The following LRRIQ4 variants were observed in gnomAD, a reference collection of about 807,000 sequenced individuals.
LRRIQ4 encodes leucine-rich repeat and IQ domain-containing protein 4.
LRRIQ4 carries 21 observed loss-of-function variants against 40.1 expected under a neutral mutation model. That is an observed-to-expected ratio of 0.52 (90% confidence interval 0.37 to 0.75). The LOEUF (loss-of-function observed/expected upper bound fraction) is 0.75. Ranked by LOEUF, LRRIQ4 falls within the 30% of genes least tolerant of loss-of-function variation. The pLI is 0.00. For missense variants in LRRIQ4, 655 were observed against 660.0 expected, an observed-to-expected ratio of 0.99 and a Z score of 0.08; for synonymous variants, 277 against 277.1, an observed-to-expected ratio of 1.00 and a Z score of 0.00.
rs1237113627 is a variant in LRRIQ4, at chr3:169,822,490, T to A, written c.569T>A (p.Leu190Gln). 3.1e-6 allele frequency: 5 copies of A among 1,614,022 alleles called. No homozygotes were observed. Among genetic ancestry groups the A allele is most frequent in the Non-Finnish European group, 4.2e-6 (5 of 1,179,894 alleles). ...FPQELCVLYT[L>Q]EIIDLDENKI... Reference sequence around the variant, plus strand: ...CAGGAGCTCTGTGTTCTCTACACCCTGGAAATCATTGACCTGGACGAGAAC... The same window carrying A: ...CAGGAGCTCTGTGTTCTCTACACCCAGGAAATCATTGACCTGGACGAGAAC... The change falls in exon 2 of 6, where the codon CTG becomes CAG. Residue 190 changes from leucine to glutamine, a missense_variant. Leu to Gln is a moderately radical substitution (Grantham distance 113). Coordinates refer to ENST00000340806, the MANE Select transcript of LRRIQ4 (RefSeq NM_001080460.3).
intron 2 of LRRIQ4, among the ~76,000 whole-genome samples, chr3:169,826,088 C>A (rs1317946576): frequency 1.3e-5 from 2 of 152,020 alleles, no homozygotes; most frequent in East Asian, 1.9e-4. Context: ...GTAGAGTATA[C>A]TTCTATTAAA....
chr3:169,828,480 G>A (rs895027411), intron 2 of LRRIQ4, among the ~76,000 whole-genome samples: 1 of 152,132 alleles, frequency 6.6e-6, no homozygotes, highest in South Asian at 2.1e-4. Flanking sequence ...GTGATCCACT[G>A]GCCTTGGCCT....
rs575977699 is a variant in LRRIQ4 at position 169,824,501 on chromosome 3, TTTTA to T, written c.1020+1570_1020+1573del. ...AATATTCTATTTATTTCAATTTTAA[TTTTA>T]TTTATTTATCTATTTATTTTTGAGA... On this transcript the variant is annotated intron_variant, in intron 2 of 5. Transcript: ENST00000340806. Among the ~76,000 whole-genome samples the T allele has an allele frequency of 9.2e-5, 14 of 152,186 alleles. No homozygotes were observed. The East Asian group carries it at 2.7e-3, about 29-fold the overall frequency.
chr3:169,822,318 A>G lies in LRRIQ4; in HGVS notation c.397A>G (p.Ile133Val). The change falls in exon 2 of 6, where the codon ATT becomes GTT. Residue 133 changes from isoleucine to valine, a missense_variant. Coordinates refer to ENST00000340806, the MANE Select transcript of LRRIQ4 (RefSeq NM_001080460.3). ...GCTCTACCAGACCGACCTGAAGGAA[A>G]TTCCCGTCGTCATCTTTAAAAACCT... Reference protein sequence around the residue: ...LRLYQTDLKEIPVVIFKNLHH... With the variant: ...LRLYQTDLKEVPVVIFKNLHH... 1 of 1,613,878 alleles carries G rather than the reference A, an allele frequency of 6.2e-7. No homozygotes were observed. The highest frequency in any genetic ancestry group is 8.5e-7 in the Non-Finnish European group (1 of 1,179,852).
chr3:169,830,409 A>AAAAAAAAAAAAAAAAAAAAAAAT, intron 3 of LRRIQ4, 83 bp from the exon 4 acceptor site: 1 of 508,546 alleles, frequency 2.0e-6, no homozygotes, highest in Non-Finnish European at 2.9e-6. Context: ...AAAAAAAAAA[A>AAAAAAAAAAAAAAAAAAAAAAAT]TGCATGAGCA....
At chr3:169,834,884 A>G (rs765830355) in intron 5 of LRRIQ4, among the ~76,000 whole-genome samples, 64 of 152,038 alleles carry the variant, frequency 4.2e-4, no homozygotes, top group Admixed American at 1.5e-3. Context: ...TATTAGTATA[A>G]AATCACCTAA....
intron 5 of LRRIQ4, among the ~76,000 whole-genome samples, chr3:169,835,212 C>T (rs1404369526): frequency 2.6e-5 from 4 of 152,096 alleles, no homozygotes; most frequent in African/African-American, 4.8e-5. Context: ...TCCCCCAAAT[C>T]GATAGCAGGT....
At chr3:169,815,836 T>G (rs1229724236) in intron 1 of LRRIQ4, among the ~76,000 whole-genome samples, 1 of 152,218 alleles carries the variant, frequency 6.6e-6, no homozygotes, top group African/African-American at 2.4e-5. Flanking sequence ...TATTGAGGGC[T>G]TTTATCATGA....
At chr3:169,816,966 C>T (rs1189744935) in intron 1 of LRRIQ4, among the ~76,000 whole-genome samples, 1 of 152,152 alleles carries the variant, frequency 6.6e-6, no homozygotes, top group Non-Finnish European at 1.5e-5. Context: ...CTATCACTCC[C>T]AGCCTTCTAC....
At chr3:169,835,537 G>T (rs970029861) in intron 5 of LRRIQ4, among the ~76,000 whole-genome samples, 2 of 151,972 alleles carry the variant, frequency 1.3e-5, no homozygotes, top group Non-Finnish European at 2.9e-5. Flanking sequence ...TTTAGGAAGG[G>T]GTACATATGG....
At chr3:169,814,260 C>T (rs1339845558) in intron 1 of LRRIQ4, among the ~76,000 whole-genome samples, 1 of 152,068 alleles carries the variant, frequency 6.6e-6, no homozygotes, top group African/African-American at 2.4e-5. Context: ...TGGAGTCCGG[C>T]CGCTCAGCAG....
At chr3:169,832,653 A>T (rs1576770837) in intron 4 of LRRIQ4, among the ~76,000 whole-genome samples, 1 of 151,556 alleles carries the variant, frequency 6.6e-6, no homozygotes, top group African/African-American at 2.4e-5. Flanking sequence ...AAAAAAAAAA[A>T]ATCAATAGTC....
intron 4 of LRRIQ4, 43 bp downstream of exon 4, chr3:169,830,673 C>T: frequency 1.2e-6 from 2 of 1,611,188 alleles, no homozygotes; most frequent in East Asian, 2.2e-5. Context: ...GAGTTTGTGG[C>T]CAGCATTTCC....
chr3:169,831,261 CTTT>C (rs869088396), intron 4 of LRRIQ4, among the ~76,000 whole-genome samples: 77 of 33,448 alleles, frequency 2.3e-3, no homozygotes, highest in African/African-American at 7.0e-3. Flanking sequence ...TATGGCTATT[CTTT>C]TTTTTTTTTT....
intron 1 of LRRIQ4, among the ~76,000 whole-genome samples, chr3:169,819,093 C>G (rs998553312): frequency 6.6e-6 from 1 of 152,104 alleles, no homozygotes; most frequent in Non-Finnish European, 1.5e-5. Flanking sequence ...AAAAATCACC[C>G]GACCATAATA....
chr3:169,817,393 G>C (rs1779789648), intron 1 of LRRIQ4, among the ~76,000 whole-genome samples: 1 of 152,226 alleles, frequency 6.6e-6, no homozygotes, highest in Non-Finnish European at 1.5e-5. Flanking sequence ...CTGAGGAAAA[G>C]AATGTGTATT....
At position 169,830,501 on chromosome 3, in the gene LRRIQ4, GA is replaced by G. The variant is rs1780142822; in HGVS notation, c.1205del (p.Glu402GlyfsTer4). ...ACTCATGTTATTTCAGAGTCTCAAAGAGCTATATATAGAGAACAATCATCTG... is the reference window on the plus strand; with the variant it reads ...ACTCATGTTATTTCAGAGTCTCAAAGGCTATATATAGAGAACAATCATCTG... Reference protein sequence around the residue: ...EHIRKLQSLKELYIENNHLEY... With the variant: ...EHIRKLQSLKXLYIENNHLEY... On this transcript the variant is annotated frameshift_variant, in exon 4 of 6. Coordinates refer to ENST00000340806, the MANE Select transcript of LRRIQ4 (RefSeq NM_001080460.3). LOFTEE classifies it high-confidence loss of function. 1 of 1,582,110 alleles carries G rather than the reference GA, an allele frequency of 6.3e-7. No individual in the cohort carries two copies. Among genetic ancestry groups the G allele is most frequent in the African/African-American group, 1.4e-5 (1 of 73,254 alleles).
rs774922199 is a variant in LRRIQ4 at position 169,830,583 on chromosome 3, G to T, written c.1286G>T (p.Arg429Leu). The stretch of plus-strand genomic sequence containing the variant: ...CCTAACCTAGAAGTTCTTGATTGCC[G>T]GCACAATTTGCTTAAGCAACTTCCA... ...SMPNLEVLDC[R>L]HNLLKQLPDA... Residue 429 changes from arginine (R) to leucine (L), a missense_variant, in exon 4 of 6, where the codon CGG becomes CTG. Transcript: ENST00000340806. 6.2e-7 allele frequency: 1 copy of T among 1,613,652 alleles called. No homozygotes were observed. The highest frequency in any genetic ancestry group is 1.7e-5 in the Admixed American group (1 of 59,978).
intron 1 of LRRIQ4, among the ~76,000 whole-genome samples, chr3:169,817,736 T>C (rs79669287): frequency 0.036 from 5,480 of 152,326 alleles, 110 homozygotes; most frequent in Middle Eastern, 0.054. Context: ...TTGTCTGATA[T>C]ATGTATAGCT....
Sources: allele counts gnomAD v4.1 joint callset (sites outside exome capture counted in the v4.1 genomes callset), GRCh38; gene constraint gnomAD v4.1.1; transcripts MANE v1.5; gene names NCBI Gene and HGNC (gene_info 2026-07-23, HGNC 2026-07-21).